The following CRADD variants were observed in gnomAD, a reference collection of about 807,000 sequenced individuals.
CRADD encodes CARD and death domain containing adaptor protein.
CRADD carries 9 observed loss-of-function variants against 15.5 expected under a neutral mutation model. That is an observed-to-expected ratio of 0.58 (90% confidence interval 0.35 to 1.01). The LOEUF (loss-of-function observed/expected upper bound fraction) is 1.01, where lower values mean the gene tolerates loss of function less well. CRADD is among the 50% of genes least tolerant of loss of function. CRADD has a pLI of 0.02. For missense variants in CRADD, 227 were observed against 250.3 expected, an observed-to-expected ratio of 0.91 and a Z score of 0.63; for synonymous variants, 118 against 107.6, an observed-to-expected ratio of 1.10 and a Z score of -0.60.
intron 2 of CRADD, among the ~76,000 whole-genome samples, chr12:93,750,141 A>G (rs1048866069): frequency 6.6e-6 from 1 of 152,194 alleles, no homozygotes; most frequent in African/African-American, 2.4e-5. Flanking sequence ...GAAGTGTGCA[A>G]TGTAGAAAGG....
intron 2 of CRADD, among the ~76,000 whole-genome samples, chr12:93,696,745 G>GA (rs58146240): frequency 0.17 from 24,840 of 142,576 alleles, 3,920 homozygotes; most frequent in African/African-American, 0.43. Context: ...GAAAATATTT[G>GA]AAAAAAAAAA....
chr12:93,755,272 A>AT (rs1478501217), intron 2 of CRADD, among the ~76,000 whole-genome samples: 1 of 152,196 alleles, frequency 6.6e-6, no homozygotes, highest in Non-Finnish European at 1.5e-5. Flanking sequence ...GCCAAACCAT[A>AT]TCAGATACAG....
At chr12:93,711,764 T>A (rs1437977527) in intron 2 of CRADD, among the ~76,000 whole-genome samples, 1 of 151,858 alleles carries the variant, frequency 6.6e-6, no homozygotes, top group Non-Finnish European at 1.5e-5. Flanking sequence ...CTCTTTTTTT[T>A]TTTTTTCTGG....
intron 2 of CRADD, chr12:93,738,568 C>G: frequency 3.0e-6 from 2 of 677,758 alleles, no homozygotes; most frequent in Non-Finnish European, 5.4e-6. Flanking sequence ...CTGCCTCACC[C>G]CGCTCCCACC....
At chr12:93,793,204 G>T (rs1025861063) in intron 2 of CRADD, among the ~76,000 whole-genome samples, 3 of 152,122 alleles carry the variant, frequency 2.0e-5, no homozygotes, top group African/African-American at 7.2e-5. Flanking sequence ...CAGCATATGC[G>T]TTCCACATCA....
intron 2 of CRADD, among the ~76,000 whole-genome samples, chr12:93,791,048 A>C (rs1402518397): frequency 6.6e-6 from 1 of 152,128 alleles, no homozygotes; most frequent in African/African-American, 2.4e-5. Context: ...TGTTGCAGAG[A>C]AAAAGATTTT....
rs563087011 is a variant in CRADD, at chr12:93,684,412, A to G, written c.298+5340A>G. ...TAGGTTCATGCTCCTATGAGAGTCT[A>G]ATGCCACTGCTGATCCAATAGGAGG... On this transcript the variant is annotated intron_variant, in intron 2 of 2. Transcript: ENST00000332896. Among the ~76,000 whole-genome samples, 24 of 152,304 alleles carry G rather than the reference A, an allele frequency of 1.6e-4. No individual in the cohort carries two copies. The South Asian group carries it at 4.6e-3, about 29-fold the overall frequency.
chr12:93,825,236 A>T (rs1957811088), intron 2 of CRADD, among the ~76,000 whole-genome samples: 1 of 152,174 alleles, frequency 6.6e-6, no homozygotes, highest in Admixed American at 6.5e-5. Flanking sequence ...CACTCAAGAG[A>T]TTTGTCAACA....
chr12:93,771,553 A>G (rs1957085561), intron 2 of CRADD, among the ~76,000 whole-genome samples: 1 of 152,208 alleles, frequency 6.6e-6, no homozygotes, highest in Non-Finnish European at 1.5e-5. Flanking sequence ...ATTAACCAGT[A>G]TACGTTTGTT....
intron 2 of CRADD, chr12:93,735,457 A>G (rs1430811135): frequency 6.6e-6 from 1 of 152,236 alleles, no homozygotes; most frequent in Non-Finnish European, 1.5e-5. Context: ...AGCAAGCTGA[A>G]GTCGAGTCCC....
chr12:93,834,767 C>T (rs1320185677), intron 2 of CRADD, among the ~76,000 whole-genome samples: 1 of 152,202 alleles, frequency 6.6e-6, no homozygotes, highest in African/African-American at 2.4e-5. Flanking sequence ...GGATTACAGG[C>T]GTGAGCCACC....
chr12:93,679,007 A>G lies in CRADD; in HGVS notation c.233A>G (p.Glu78Gly). Residue 78 changes from glutamate to glycine, a missense_variant, in exon 2 of 3, where the codon GAG (glutamate) becomes GGG (glycine). By Grantham distance (98) the Glu-to-Gly change is moderately conservative. Coordinates refer to ENST00000332896, the MANE Select transcript of CRADD (RefSeq NM_003805.5). The stretch of plus-strand genomic sequence containing the variant: ...GATACATTCCTAGATTCCCTACAGG[A>G]GTTTCCCTGGGTCAGGGAGAAGCTG... ...AFDTFLDSLQ[E>G]FPWVREKLKK... 6.2e-7 allele frequency: 1 copy of G among 1,614,058 alleles called. No individual in the cohort carries two copies. The highest frequency in any genetic ancestry group is 8.5e-7 in the Non-Finnish European group (1 of 1,179,882).
At chr12:93,786,797 G>C (rs1957282890) in intron 2 of CRADD, among the ~76,000 whole-genome samples, 2 of 152,152 alleles carry the variant, frequency 1.3e-5, no homozygotes, top group Non-Finnish European at 2.9e-5. Flanking sequence ...TAGGACAAAA[G>C]TCTAGTGAGT....
intron 2 of CRADD, among the ~76,000 whole-genome samples, chr12:93,753,106 G>T (rs1405673177): frequency 2.6e-5 from 4 of 152,014 alleles, no homozygotes; most frequent in Non-Finnish European, 4.4e-5. Flanking sequence ...TTTGGGTGGG[G>T]ACACAGCCAA....
rs114324413 is a variant in CRADD at position 93,791,603 on chromosome 12, G to A, written c.299-58367G>A. Among the ~76,000 whole-genome samples the A allele has an allele frequency of 2.4e-3, 369 of 152,230 alleles. 1 individual carries two copies. The highest frequency in any genetic ancestry group is 8.4e-3 in the African/African-American group (349 of 41,554). ...GGAGAAATAAGTTTTGAGATCTATTGTACAGCATGGCAACTGTAGTAGTTA... is the reference window on the plus strand; with the variant it reads ...GGAGAAATAAGTTTTGAGATCTATTATACAGCATGGCAACTGTAGTAGTTA... On this transcript the variant is annotated intron_variant, in intron 2 of 2. Coordinates refer to ENST00000332896, the MANE Select transcript of CRADD (RefSeq NM_003805.5).
intron 2 of CRADD, among the ~76,000 whole-genome samples, chr12:93,829,602 T>G (rs1957866776): frequency 6.6e-6 from 1 of 152,224 alleles, no homozygotes; most frequent in Admixed American, 6.5e-5. Flanking sequence ...TTCAGTCCAT[T>G]GCTACCACTG....
intron 2 of CRADD, among the ~76,000 whole-genome samples, chr12:93,770,171 C>T (rs2136959492): frequency 6.7e-6 from 1 of 148,388 alleles, no homozygotes; most frequent in Admixed American, 6.7e-5. Context: ...TCTCGGCTCA[C>T]TGCAAGCTCC....
chr12:93,758,946 A>G (rs961295812), intron 2 of CRADD, among the ~76,000 whole-genome samples: 1 of 152,184 alleles, frequency 6.6e-6, no homozygotes, highest in Admixed American at 6.5e-5. Flanking sequence ...TTTTGCAGCC[A>G]TTATTTGTTG....
At chr12:93,865,474 G>A (rs940444065) in intron 2 of CRADD, among the ~76,000 whole-genome samples, 3 of 151,866 alleles carry the variant, frequency 2.0e-5, no homozygotes, top group Non-Finnish European at 4.4e-5. Context: ...CTAGAGTATA[G>A]TGGAGTGATC....
Sources: allele counts gnomAD v4.1 joint callset (sites outside exome capture counted in the v4.1 genomes callset), GRCh38; gene constraint gnomAD v4.1.1; transcripts MANE v1.5; gene names NCBI Gene and HGNC (gene_info 2026-07-23, HGNC 2026-07-21).